The following SPAG16 variants were observed in gnomAD, a reference collection of about 807,000 sequenced individuals.
SPAG16 encodes sperm associated antigen 16, also known as sperm-associated antigen 16 protein.
SPAG16 carries 86 observed loss-of-function variants against 80.4 expected under a neutral mutation model. The ratio of observed to expected loss-of-function variants is 1.07; its 90% CI spans 0.90 to 1.28. The LOEUF is 1.28. Among genes scored for constraint, SPAG16 ranks in the 50% most tolerant of loss-of-function variants. SPAG16 has a pLI of 0.00. For synonymous variants in SPAG16, 294 were observed against 265.9 expected (o/e 1.11, Z -1.03); for missense variants, 870 against 765.3 (o/e 1.14, Z -1.61).
Position 213,303,606 on chromosome 2 carries a change from C to G in SPAG16, c.279+6249C>G, listed in dbSNP as rs549657438. 2.0e-5 allele frequency among the ~76,000 whole-genome samples: 3 copies of G among 152,154 alleles called. No individual in the cohort carries two copies. In the East Asian group the frequency reaches 5.8e-4, roughly 29 times the overall value. ...GTTCAATTGTTTTACTTTCTAGCCC[C>G]CACAAATAAGTGAGAACATGTGAAG... On this transcript the variant is annotated intron_variant, in intron 3 of 15. Transcript: ENST00000331683.
chr2:214,141,683 G>GT (rs996817470), intron 14 of SPAG16, among the ~76,000 whole-genome samples: 10 of 152,026 alleles, frequency 6.6e-5, no homozygotes, highest in African/African-American at 2.4e-4. Context: ...TTAGGTTGAG[G>GT]TTTTTTCCCC....
chr2:213,943,902 T>G (rs553945887), intron 12 of SPAG16, among the ~76,000 whole-genome samples: 1 of 152,182 alleles, frequency 6.6e-6, no homozygotes, highest in Non-Finnish European at 1.5e-5. Context: ...ACAGAAATAC[T>G]GGCACCAAAA....
intron 10 of SPAG16, among the ~76,000 whole-genome samples, chr2:213,593,796 A>G (rs71350773): frequency 0.33 from 24,622 of 75,334 alleles, 3,628 homozygotes; most frequent in Middle Eastern, 0.58. Flanking sequence ...TTTTTTTGGG[A>G]CGGAGTCTGG....
chr2:213,608,220 A>G (rs185268047), intron 10 of SPAG16, among the ~76,000 whole-genome samples: 104 of 152,300 alleles, frequency 6.8e-4, no homozygotes, highest in Middle Eastern at 3.4e-3. Context: ...CATGTGCACA[A>G]CGTGCAGGTT....
At chr2:213,943,366 G>GA (rs780468674) in intron 12 of SPAG16, among the ~76,000 whole-genome samples, 3 of 152,138 alleles carry the variant, frequency 2.0e-5, no homozygotes, top group Non-Finnish European at 4.4e-5. Flanking sequence ...AGAAAGTAAA[G>GA]AAGAGAGCTA....
intron 7 of SPAG16, 71 bp downstream of exon 7, chr2:213,350,716 T>G: frequency 1.2e-6 from 1 of 825,760 alleles, no homozygotes. Context: ...GTAGAAATAC[T>G]GATTTTGTTT....
chr2:213,523,581 G>A (rs2075770971), intron 10 of SPAG16, among the ~76,000 whole-genome samples: 1 of 152,172 alleles, frequency 6.6e-6, no homozygotes, highest in South Asian at 2.1e-4. Flanking sequence ...TAGAGACTTG[G>A]AGGGCTTAGA....
intron 10 of SPAG16, among the ~76,000 whole-genome samples, chr2:213,658,829 G>C (rs1223206897): frequency 6.6e-6 from 1 of 152,142 alleles, no homozygotes; most frequent in East Asian, 1.9e-4. Context: ...ACGAAGTCAG[G>C]AGATGAGACC....
intron 12 of SPAG16, among the ~76,000 whole-genome samples, chr2:213,960,316 T>G (rs997567152): frequency 2.8e-4 from 42 of 152,288 alleles, no homozygotes; most frequent in African/African-American, 9.6e-4. Context: ...TATTTGACAG[T>G]CTTTAATACA....
intron 11 of SPAG16, among the ~76,000 whole-genome samples, chr2:213,900,925 T>G (rs1035593204): frequency 1.3e-5 from 2 of 152,164 alleles, no homozygotes; most frequent in Non-Finnish European, 2.9e-5. Flanking sequence ...CATGAAAATA[T>G]TACAATTAAT....
At chr2:214,187,007 A>C (rs1439318523) in intron 15 of SPAG16, among the ~76,000 whole-genome samples, 6 of 151,856 alleles carry the variant, frequency 4.0e-5, no homozygotes, top group Non-Finnish European at 7.4e-5. Flanking sequence ...TAGGTGATCC[A>C]CCCACCTTGG....
intron 10 of SPAG16, among the ~76,000 whole-genome samples, chr2:213,646,925 T>A (rs2062842958): frequency 6.6e-6 from 1 of 152,092 alleles, no homozygotes; most frequent in African/African-American, 2.4e-5. Flanking sequence ...TATACCACAA[T>A]GACACACAAC....
chr2:213,720,742 CTTTTTTTTTTTTT>C (rs564036456), intron 10 of SPAG16, among the ~76,000 whole-genome samples: 1 of 78,924 alleles, frequency 1.3e-5, no homozygotes, highest in Non-Finnish European at 2.4e-5. Context: ...GAAGTAAGTC[CTTTTTTTTTTTTT>C]TTTTTTTTGA....
chr2:214,366,821 G>A (rs1446172516), intron 15 of SPAG16, among the ~76,000 whole-genome samples: 2 of 151,944 alleles, frequency 1.3e-5, no homozygotes, highest in Admixed American at 1.3e-4. Context: ...TAGACTACAT[G>A]TAGTACCTAA....
At chr2:214,375,048 G>C (rs1227858063) in intron 15 of SPAG16, among the ~76,000 whole-genome samples, 1 of 152,100 alleles carries the variant, frequency 6.6e-6, no homozygotes, top group Non-Finnish European at 1.5e-5. Context: ...GTTTGAATTT[G>C]GGTCTTGAAC....
At chr2:213,498,314 A>T (rs991653088) in intron 10 of SPAG16, among the ~76,000 whole-genome samples, 11 of 152,084 alleles carry the variant, frequency 7.2e-5, no homozygotes, top group Non-Finnish European at 1.2e-4. Flanking sequence ...CCCATAATTG[A>T]CTTACTTATT....
rs112844879 is a variant in SPAG16 at position 213,510,793 on chromosome 2, T to C, written c.1070+20703T>C. Reference sequence around the variant, plus strand: ...TGAGAAACATGTGTCATATAGTAAATACTTAATGGAATATACCTATGTTTA... The same window carrying C: ...TGAGAAACATGTGTCATATAGTAAACACTTAATGGAATATACCTATGTTTA... On this transcript the variant is annotated intron_variant, in intron 10 of 15. Transcript: ENST00000331683. Among the ~76,000 whole-genome samples, 120 of 152,308 alleles carry C rather than the reference T, an allele frequency of 7.9e-4. 2 individuals carry two copies. The highest frequency in any genetic ancestry group is 3.4e-3 in the Middle Eastern group (1 of 294).
intron 14 of SPAG16, among the ~76,000 whole-genome samples, chr2:214,117,883 C>T (rs1028608938): frequency 2.6e-5 from 4 of 152,048 alleles, no homozygotes; most frequent in African/African-American, 9.7e-5. Flanking sequence ...ATATGAGAAA[C>T]CTACAAACAT....
intron 11 of SPAG16, among the ~76,000 whole-genome samples, chr2:213,915,780 C>G (rs777684477): frequency 2.0e-5 from 3 of 152,186 alleles, no homozygotes; most frequent in Admixed American, 6.5e-5. Flanking sequence ...TCTCCAGCAT[C>G]TGTTGTTTCC....
Sources: allele counts gnomAD v4.1 joint callset (sites outside exome capture counted in the v4.1 genomes callset), GRCh38; gene constraint gnomAD v4.1.1; transcripts MANE v1.5; gene names NCBI Gene and HGNC (gene_info 2026-07-23, HGNC 2026-07-21).